Variants in RBM14 observed in about 807,000 individuals in gnomAD.
RBM14 encodes the protein RNA-binding protein 14.
Under a neutral mutation model 52.8 loss-of-function variants are expected in RBM14, and 5 were observed. The observed-to-expected ratio is 0.09, with a 90% CI of 0.05 to 0.20. RBM14 has a LOEUF of 0.20. Among genes scored for constraint, RBM14 ranks in the 10% least tolerant of loss-of-function variants. The pLI is 1.00. For missense variants in RBM14, 780 were observed against 926.6 expected (o/e 0.84, Z 2.05); for synonymous variants, 411 against 401.8 (o/e 1.02, Z -0.28).
At position 66,624,567 on chromosome 11, in the gene RBM14, A is replaced by G; in HGVS notation, c.691A>G (p.Thr231Ala). The stretch of plus-strand genomic sequence containing the variant: ...CCGAGCCTCTTATGTGGCTCCTCTG[A>G]CGGCCCAGCCAGCTACCTACCGGGC... ...PPRASYVAPL[T>A]AQPATYRAQP... The change falls in exon 2 of 3, where the codon ACG (threonine) becomes GCG (alanine). Residue 231 changes from threonine (T) to alanine (A), a missense_variant. Around this residue, in one of 4 missense-constraint regions of RBM14, gnomAD observed 675 missense variants for 697.3 expected, o/e 0.97. Coordinates refer to ENST00000310137, the MANE Select transcript of RBM14 (RefSeq NM_006328.4). The surrounding 1 kb of genome is among the most constrained non-coding windows in gnomAD (Gnocchi z 4.7). 6.2e-7 allele frequency: 1 copy of G among 1,612,380 alleles called. No individual in the cohort carries two copies. Among genetic ancestry groups the G allele is most frequent in the Non-Finnish European group, 8.5e-7 (1 of 1,179,962 alleles).
Position 66,625,633 on chromosome 11 carries a change from C to T in RBM14, c.1757C>T (p.Ala586Val). ...CGTACCCGCCTCTCCCCACCCCGGGCCAGCTACGACGATCCCTACAAAAAG... is the reference window on the plus strand; with the variant it reads ...CGTACCCGCCTCTCCCCACCCCGGGTCAGCTACGACGATCCCTACAAAAAG... ...YERTRLSPPR[A>V]SYDDPYKKAV... is the part of the protein sequence containing the mutation. Residue 586 changes from alanine (A) to valine (V), a missense_variant, in exon 2 of 3, where the codon GCC (alanine) becomes GTC (valine). Around this residue, in one of 4 missense-constraint regions of RBM14, gnomAD observed 675 missense variants for 697.3 expected, o/e 0.97. Coordinates refer to ENST00000310137, the MANE Select transcript of RBM14 (RefSeq NM_006328.4). The surrounding 1 kb of genome is among the most constrained non-coding windows in gnomAD (Gnocchi z 4.2). 6.2e-7 allele frequency: 1 copy of T among 1,612,868 alleles called. No homozygotes were observed. The highest frequency in any genetic ancestry group is 1.1e-5 in the South Asian group (1 of 91,090).
Position 66,624,883 on chromosome 11 carries a change from C to T in RBM14, c.1007C>T (p.Ser336Phe), listed in dbSNP as rs779415955. 1 of 1,613,822 alleles carries T rather than the reference C, an allele frequency of 6.2e-7. No homozygotes were observed. The highest frequency in any genetic ancestry group is 8.5e-7 in the Non-Finnish European group (1 of 1,179,934). The change falls in exon 2 of 3, where the codon TCC (serine) becomes TTC (phenylalanine). Residue 336 changes from serine to phenylalanine, a missense_variant. Around this residue, in one of 4 missense-constraint regions of RBM14, gnomAD observed 675 missense variants for 697.3 expected, o/e 0.97. Coordinates refer to ENST00000310137, the MANE Select transcript of RBM14 (RefSeq NM_006328.4). The surrounding 1 kb of genome is among the most constrained non-coding windows in gnomAD (Gnocchi z 4.7). The part of the protein sequence containing the change: ...SSLNSYGAQG[S>F]SLASYGNQPS... ...CTCAACTCCTATGGGGCTCAGGGTT[C>T]CTCCCTTGCCTCCTATGGTAACCAG...
chr11:66,625,566 G>C lies in RBM14; in HGVS notation c.1690G>C (p.Gly564Arg). 6.2e-7 allele frequency: 1 copy of C among 1,612,372 alleles called. No homozygotes were observed. The highest frequency in any genetic ancestry group is 8.5e-7 in the Non-Finnish European group (1 of 1,179,774). ...PSAAYLSMSQ[G>R]AVANANSTPP... ...TGCAGCCTACCTGTCCATGTCCCAG[G>C]GGGCCGTTGCCAACGCCAACAGCAC... Residue 564 changes from glycine to arginine, a missense_variant, in exon 2 of 3, where the codon GGG becomes CGG. By Grantham distance (125) the Gly-to-Arg change is moderately radical. This residue lies in a region of RBM14 where 675 missense variants were observed against 697.3 expected (regional missense o/e 0.97). Coordinates refer to ENST00000310137, the MANE Select transcript of RBM14 (RefSeq NM_006328.4). This position sits in a 1 kb window ranked among gnomAD's most constrained non-coding sequence, Gnocchi z 4.2.
At chr11:66,619,629 C>G (rs1372924784) in intron 1 of RBM14, 1 of 151,514 alleles carries the variant, frequency 6.6e-6, no homozygotes, top group East Asian at 1.9e-4. Flanking sequence ...TGCACTGGCG[C>G]CATCTCGGCT....
intron 1 of RBM14, chr11:66,619,562 TTC>T (rs1342866510): frequency 1.3e-5 from 2 of 151,320 alleles, no homozygotes; most frequent in Admixed American, 1.3e-4. Context: ...TTAAGATTTT[TTC>T]TTTTTCTTTT....
rs1565074908 is a variant in RBM14, at chr11:66,629,305, GA to G, written c.*2639del. On this transcript the variant is annotated 3_prime_UTR_variant, in exon 3 of 3. Coordinates refer to ENST00000310137, the MANE Select transcript of RBM14 (RefSeq NM_006328.4). ...CCTCTACAACTTGGCCTTCATTGGA[GA>G]AGTTTTAGTTGGCTTATTCCTGGAA... Among the ~76,000 whole-genome samples, 1 of 152,192 alleles carries G rather than the reference GA, an allele frequency of 6.6e-6. No homozygotes were observed. Among genetic ancestry groups the G allele is most frequent in the African/African-American group, 2.4e-5 (1 of 41,452 alleles).
chr11:66,625,506 C>G lies in RBM14; in HGVS notation c.1630C>G (p.Pro544Ala). 3.7e-6 allele frequency: 6 copies of G among 1,612,676 alleles called. No homozygotes were observed. Among genetic ancestry groups the G allele is most frequent in the Non-Finnish European group, 5.1e-6 (6 of 1,179,408 alleles). Residue 544 changes from proline (P) to alanine (A), a missense_variant, in exon 2 of 3, where the codon CCA becomes GCA. Pro to Ala is a conservative substitution (Grantham distance 27). Transcript: ENST00000310137. The surrounding 1 kb of genome is among the most constrained non-coding windows in gnomAD (Gnocchi z 4.2). ...GGCTGCTGCCTCCTACCGCGGCCAG[C>G]CAGGCAATGCCTACGATGGGGCAGG... ...PQAAASYRGQPGNAYDGAGQP... is the reference protein window; with the variant it reads ...PQAAASYRGQAGNAYDGAGQP...
chr11:66,620,262 C>G (rs551468859), intron 1 of RBM14, among the ~76,000 whole-genome samples: 1 of 152,092 alleles, frequency 6.6e-6, no homozygotes, highest in Non-Finnish European at 1.5e-5. Flanking sequence ...ATAATTGTAT[C>G]AGATGGATTT....
rs770090616 is a variant in RBM14 at position 66,625,406 on chromosome 11, C to T, written c.1530C>T (p.Ala510=). Reference sequence around the variant, plus strand: ...CAGCCTACGGGGCCCAACCTTCTGCCACCCTGGCAGCTCCTTACCGCACTC... The same window carrying T: ...CAGCCTACGGGGCCCAACCTTCTGCTACCCTGGCAGCTCCTTACCGCACTC... ...AAAAYGAQPS[A]TLAAPYRTQS... is the part of the protein sequence containing the mutation. Residue 510 remains alanine, a synonymous_variant, in exon 2 of 3, where the codon GCC becomes GCT. Transcript: ENST00000310137. This position sits in a 1 kb window ranked among gnomAD's most constrained non-coding sequence, Gnocchi z 4.2. The T allele has an allele frequency of 1.9e-6, 3 of 1,613,560 alleles. No individual in the cohort carries two copies. In the East Asian group the frequency reaches 6.7e-5, roughly 36 times the overall value.
In RBM14 at chr11:66,625,789, C is replaced by T. The variant is rs1202231663; in HGVS notation, c.1802+111C>T. ...GGCCCCTCCCTCGGTCTTCTCTTCTCTATTTTTGTGGGATGTCCAGAGGCC... is the reference window on the plus strand; with the variant it reads ...GGCCCCTCCCTCGGTCTTCTCTTCTTTATTTTTGTGGGATGTCCAGAGGCC... On this transcript the variant is annotated intron_variant, in intron 2 of 2. Coordinates refer to ENST00000310137, the MANE Select transcript of RBM14 (RefSeq NM_006328.4). The surrounding 1 kb of genome is among the most constrained non-coding windows in gnomAD (Gnocchi z 4.2). The T allele has an allele frequency of 1.2e-6, 1 of 839,446 alleles. No homozygotes were observed. The highest frequency in any genetic ancestry group is 1.8e-6 in the Non-Finnish European group (1 of 552,214). The allele number at this position is 839,446 out of a possible 1,614,324, so 52.0% of individuals were successfully genotyped here. A position where few individuals can be genotyped will look rare whatever the true frequency, so the allele number is the denominator to read the frequency against.
In RBM14 at chr11:66,624,468, T is replaced by G. The variant is rs760004736; in HGVS notation, c.592T>G (p.Phe198Val). 3.1e-6 allele frequency: 5 copies of G among 1,613,702 alleles called. No individual in the cohort carries two copies. Among genetic ancestry groups the G allele is most frequent in the Non-Finnish European group, 4.2e-6 (5 of 1,179,660 alleles). Residue 198 changes from phenylalanine (F) to valine (V), a missense_variant, in exon 2 of 3, where the codon TTT becomes GTT. By Grantham distance (50) the Phe-to-Val change is conservative. This residue lies in a region of RBM14 where 675 missense variants were observed against 697.3 expected (regional missense o/e 0.97). Coordinates refer to ENST00000310137, the MANE Select transcript of RBM14 (RefSeq NM_006328.4). The surrounding 1 kb of genome is among the most constrained non-coding windows in gnomAD (Gnocchi z 4.7). ...GGCTTTTGGCAACAGCACTGGTGGC[T>G]TTGATGGGCAAGCCCGTCAGCCCAC... ...QQAFGNSTGG[F>V]DGQARQPTPP...
intron 1 of RBM14, among the ~76,000 whole-genome samples, chr11:66,618,748 A>G (rs1858961878): frequency 1.3e-5 from 2 of 152,164 alleles, no homozygotes; most frequent in Admixed American, 6.6e-5. Flanking sequence ...TCTAGAGTCA[A>G]ACATCTGAAG....
intron 1 of RBM14, chr11:66,617,537 T>G: frequency 1.0e-6 from 1 of 990,392 alleles, no homozygotes; most frequent in Non-Finnish European, 1.2e-6. Flanking sequence ...CCGATGAATG[T>G]GCTCAAGCGG....
rs772713805 is a variant in RBM14, at chr11:66,627,663, G to T, written c.*995G>T. On this transcript the variant is annotated 3_prime_UTR_variant, in exon 3 of 3. Transcript: ENST00000310137. ...GACCATTTTCACTGACTTTTCTCCA[G>T]TTCAGGAATAACCTGTGTTCCAATG... is the stretch of plus-strand genomic sequence containing the variant. Among the ~76,000 whole-genome samples, 1 of 152,154 alleles carries T rather than the reference G, an allele frequency of 6.6e-6. No homozygotes were observed. The highest frequency in any genetic ancestry group is 1.5e-5 in the Non-Finnish European group (1 of 68,040).
rs1340526456 is a variant in RBM14 at position 66,626,604 on chromosome 11, C to T, written c.1946C>T (p.Ser649Leu). 6.8e-6 allele frequency: 11 copies of T among 1,613,612 alleles called. No individual in the cohort carries two copies. Among genetic ancestry groups the T allele is most frequent in the South Asian group, 1.1e-5 (1 of 91,044 alleles). ...PDAHSDYARY[S>L]GSYNDYLRAA... ...GCCCATTCCGATTACGCACGCTATT[C>T]GGGCTCCTATAATGATTACCTGCGG... is the stretch of plus-strand genomic sequence containing the variant. Residue 649 changes from serine (S) to leucine (L), a missense_variant, in exon 3 of 3, where the codon TCG becomes TTG. Around this residue, in one of 4 missense-constraint regions of RBM14, gnomAD observed 675 missense variants for 697.3 expected, o/e 0.97. Transcript: ENST00000310137.
intron 1 of RBM14, chr11:66,621,039 T>C (rs1859084242): frequency 6.6e-6 from 1 of 152,088 alleles, no homozygotes; most frequent in Admixed American, 6.6e-5. Context: ...AGGGTCTCGC[T>C]TTGTTGCTCA....
intron 1 of RBM14, chr11:66,617,343 G>A (rs1858885572): frequency 1.6e-6 from 2 of 1,257,160 alleles, no homozygotes; most frequent in Non-Finnish European, 2.0e-6. Context: ...TGTTCCGGGG[G>A]CGCGCCTTCT....
intron 1 of RBM14, chr11:66,617,284 A>C: frequency 7.5e-7 from 1 of 1,336,440 alleles, no homozygotes. Context: ...TGCGGCGGCC[A>C]CTGCGAGCCA....
At chr11:66,622,962 T>C (rs916111932) in intron 1 of RBM14, among the ~76,000 whole-genome samples, 1 of 152,178 alleles carries the variant, frequency 6.6e-6, no homozygotes, top group Admixed American at 6.5e-5. Flanking sequence ...AGATTCTGCC[T>C]GTGCTTTGTG....
Sources: gnomAD v4.1 joint callset for allele counts (sites outside exome capture counted in the v4.1 genomes callset) on GRCh38, gnomAD v4.1.1 for gene constraint, gnomAD v4.1.1 regional missense constraint, Gnocchi (gnomAD v3.1) non-coding constraint, MANE v1.5 for transcripts, NCBI Gene and HGNC (gene_info 2026-07-23, HGNC 2026-07-21) for gene names.